The following KLRG2 variants were observed in gnomAD, a reference collection of about 807,000 sequenced individuals.
KLRG2 encodes the protein killer cell lectin-like receptor subfamily G member 2.
In KLRG2, 39 loss-of-function variants were observed where a neutral mutation model predicts 35.4. The observed-to-expected ratio is 1.10, with a 90% CI of 0.85 to 1.44. The LOEUF is 1.44. Ranked by LOEUF, KLRG2 falls within the 40% of genes most tolerant of loss-of-function variation. The pLI, the probability that KLRG2 is intolerant of heterozygous loss-of-function variation, is 0.00. For synonymous variants in KLRG2, 283 were observed against 265.8 expected, an observed-to-expected ratio of 1.06 and a Z score of -0.63; for missense variants, 632 against 570.9, an observed-to-expected ratio of 1.11 and a Z score of -1.09.
At position 139,483,530 on chromosome 7, in the gene KLRG2, AC is replaced by A; in HGVS notation, c.112del (p.Val38CysfsTer89). 1 of 1,598,500 alleles carries A rather than the reference AC, an allele frequency of 6.3e-7. No homozygotes were observed. The highest frequency in any genetic ancestry group is 8.5e-7 in the Non-Finnish European group (1 of 1,178,736). On this transcript the variant is annotated frameshift_variant, in exon 1 of 5. Coordinates refer to ENST00000340940, the MANE Select transcript of KLRG2 (RefSeq NM_198508.4). LOFTEE classifies it high-confidence loss of function. ...GCTTTCGGGACCTTCAGGTTGTCGC[AC>A]CTTCGCGGGCACCTGCGGCTGCTCC... ...TLEQPQVPAK[V>X]RQPEGPESSP... is the part of the protein sequence containing the mutation.
chr7:139,449,824 C>T (rs543658500), downstream of KLRG2, among the ~76,000 whole-genome samples: 8 of 150,932 alleles, frequency 5.3e-5, no homozygotes, highest in African/African-American at 1.2e-4. Context: ...CTCAGCCTCC[C>T]GAGTAGCTGG....
At chr7:139,482,455 T>C (rs1796977394) in intron 1 of KLRG2, among the ~76,000 whole-genome samples, 1 of 151,990 alleles carries the variant, frequency 6.6e-6, no homozygotes, top group South Asian at 2.1e-4. Flanking sequence ...TACAATGGCA[T>C]GATCTCGGCC....
At chr7:139,445,783 ATATATATATG>A in the KLRG2 span, among the ~76,000 whole-genome samples, 7 of 111,774 alleles carry the variant, frequency 6.3e-5, no homozygotes, top group South Asian at 2.6e-4. Flanking sequence ...ATATATATGT[ATATATATATG>A]TGTGTATATA....
At position 139,483,237 on chromosome 7, in the gene KLRG2, C is replaced by A; in HGVS notation, c.406G>T (p.Ala136Ser). Residue 136 changes from alanine to serine, a missense_variant, in exon 1 of 5, where the codon GCC (alanine) becomes TCC (serine). Transcript: ENST00000340940. The part of the protein sequence containing the change: ...VDVRVKPVGA[A>S]GGSSTPSPRP... ...GGCGATGGCGTGCTGCTGCCACCGG[C>A]CGCGCCCACGGGCTTCACGCGCACA... 1.3e-6 allele frequency: 2 copies of A among 1,542,360 alleles called. No individual in the cohort carries two copies.
At chr7:139,442,439 C>T in the KLRG2 span, among the ~76,000 whole-genome samples, 4 of 152,264 alleles carry the variant, frequency 2.6e-5, no homozygotes, top group African/African-American at 9.6e-5. Context: ...AGGCCAGGCA[C>T]GGTAGCTCAC....
Position 139,462,170 on chromosome 7 carries a change from G to T in KLRG2, c.1006-7956C>A, listed in dbSNP as rs148074837. Among the ~76,000 whole-genome samples, 5 of 152,118 alleles carry T rather than the reference G, an allele frequency of 3.3e-5. No homozygotes were observed. The South Asian group carries it at 1.0e-3, about 31-fold the overall frequency. ...AACCCAAAACTCCATCGCTAGTTACGGACTCGGGAAAACAGTCTTCCCTTG... is the reference window on the plus strand; with the variant it reads ...AACCCAAAACTCCATCGCTAGTTACTGACTCGGGAAAACAGTCTTCCCTTG... On this transcript the variant is annotated intron_variant, in intron 3 of 4. Transcript: ENST00000340940.
chr7:139,435,034 A>G, the KLRG2 span, among the ~76,000 whole-genome samples: 2 of 152,338 alleles, frequency 1.3e-5, no homozygotes, highest in East Asian at 3.9e-4. Flanking sequence ...GTATCATGAT[A>G]GGGCCTGGGG....
intron 3 of KLRG2, among the ~76,000 whole-genome samples, chr7:139,463,602 G>A (rs936799827): frequency 6.6e-5 from 10 of 152,252 alleles, no homozygotes; most frequent in African/African-American, 2.4e-4. Context: ...AGGAATGCCC[G>A]CAGCCCAGGA....
At position 139,483,580 on chromosome 7, in the gene KLRG2, G is replaced by C; in HGVS notation, c.63C>G (p.Pro21=). 6.3e-7 allele frequency: 1 copy of C among 1,596,418 alleles called. No individual in the cohort carries two copies. The highest frequency in any genetic ancestry group is 8.5e-7 in the Non-Finnish European group (1 of 1,178,246). Residue 21 remains proline, a synonymous_variant, in exon 1 of 5, where the codon CCC becomes CCG. Coordinates refer to ENST00000340940, the MANE Select transcript of KLRG2 (RefSeq NM_198508.4). ...GQAGAELPME[P]VGSLVPTLEQ... is the part of the protein sequence containing the mutation. ...CCAGCGTGGGGACCAGGCTTCCCACGGGCTCCATTGGGAGCTCTGCCCCGG... is the reference window on the plus strand; with the variant it reads ...CCAGCGTGGGGACCAGGCTTCCCACCGGCTCCATTGGGAGCTCTGCCCCGG...
At position 139,453,626 on chromosome 7, in the gene KLRG2, G is replaced by C; in HGVS notation, c.1191C>G (p.Ser397Arg). 6.2e-7 allele frequency: 1 copy of C among 1,612,840 alleles called. No individual in the cohort carries two copies. The highest frequency in any genetic ancestry group is 8.5e-7 in the Non-Finnish European group (1 of 1,179,504). ...TGGCACAGACCCAGGGTCTTGGAGT[G>C]CTGCAGTTTGCAGCCACCAGCGTGC... The part of the protein sequence containing the change: ...EEGTLVAANC[S>R]TPRPWVCAKG... Residue 397 changes from serine to arginine, a missense_variant, in exon 5 of 5, where the codon AGC becomes AGG. Physicochemically the swap from Ser to Arg is moderately radical, Grantham distance 110. Coordinates refer to ENST00000340940, the MANE Select transcript of KLRG2 (RefSeq NM_198508.4).
rs559015042 is a variant in KLRG2, at chr7:139,457,722, G to A, written c.1006-3508C>T. On this transcript the variant is annotated intron_variant, in intron 3 of 4. Coordinates refer to ENST00000340940, the MANE Select transcript of KLRG2 (RefSeq NM_198508.4). ...CTTCCCCTCTGGGCCTCCTGGTGAC[G>A]GGAGCTGAAGGCCTCCCCCGAGCCC... Among the ~76,000 whole-genome samples the A allele has an allele frequency of 1.4e-4, 21 of 152,160 alleles. 1 individual carries two copies. Among genetic ancestry groups the A allele is most frequent in the South Asian group, 1.0e-3 (5 of 4,812 alleles).
chr7:139,470,279 C>T (rs1426935704), intron 3 of KLRG2, among the ~76,000 whole-genome samples: 1 of 151,852 alleles, frequency 6.6e-6, no homozygotes, highest in African/African-American at 2.4e-5. Flanking sequence ...AGGATGGTCT[C>T]GATCTCCTGA....
chr7:139,457,676 A>C (rs1350444073), intron 3 of KLRG2, among the ~76,000 whole-genome samples: 1 of 152,000 alleles, frequency 6.6e-6, no homozygotes, highest in Non-Finnish European at 1.5e-5. Context: ...TCAGAGCCCC[A>C]AGCTATCTGC....
chr7:139,445,781 G>GTGTATATATATATATATATATGTATATA, the KLRG2 span, among the ~76,000 whole-genome samples: 1 of 98,504 alleles, frequency 1.0e-5, no homozygotes, highest in Non-Finnish European at 1.9e-5. Context: ...ATATATATAT[G>GTGTATATATATATATATATATGTATATA]TATATATATA....
At chr7:139,479,225 G>A (rs1005120566) in intron 3 of KLRG2, among the ~76,000 whole-genome samples, 6 of 152,122 alleles carry the variant, frequency 3.9e-5, no homozygotes, top group African/African-American at 1.4e-4. Flanking sequence ...TGGGATTACA[G>A]GCGCCCGCCA....
chr7:139,460,152 T>C (rs867531751), intron 3 of KLRG2, among the ~76,000 whole-genome samples: 3 of 152,120 alleles, frequency 2.0e-5, no homozygotes, highest in African/African-American at 7.2e-5. Flanking sequence ...CCCCAAAGTG[T>C]TGGGATTACA....
At chr7:139,468,994 G>A (rs535321965) in intron 3 of KLRG2, among the ~76,000 whole-genome samples, 6 of 152,086 alleles carry the variant, frequency 3.9e-5, no homozygotes, top group Non-Finnish European at 7.4e-5. Flanking sequence ...CAGGGAGAAG[G>A]GCCACTACCT....
At chr7:139,441,821 C>G in the KLRG2 span, among the ~76,000 whole-genome samples, 1 of 152,102 alleles carries the variant, frequency 6.6e-6, no homozygotes, top group African/African-American at 2.4e-5. Flanking sequence ...CTGGCCACCA[C>G]GTTCTGAACC....
the KLRG2 span, among the ~76,000 whole-genome samples, chr7:139,437,425 CAAAAAAAAAAA>C: frequency 2.7e-5 from 2 of 73,228 alleles, no homozygotes. Context: ...ACTCCATCTC[CAAAAAAAAAAA>C]AAAAAAAAAA....
Sources: gnomAD v4.1 joint callset for allele counts (sites outside exome capture counted in the v4.1 genomes callset) on GRCh38, gnomAD v4.1.1 for gene constraint, MANE v1.5 for transcripts, NCBI Gene and HGNC (gene_info 2026-07-23, HGNC 2026-07-21) for gene names.